The following RCN3 variants were observed in gnomAD, a reference collection of about 807,000 sequenced individuals.
The protein encoded by RCN3 is reticulocalbin 3.
A neutral mutation model predicts 35.9 loss-of-function variants in RCN3; 41 were observed. The ratio of observed to expected loss-of-function variants is 1.14; its 90% CI spans 0.89 to 1.48. The LOEUF (loss-of-function observed/expected upper bound fraction) is 1.48. Ranked by LOEUF, RCN3 falls within the 40% of genes most tolerant of loss-of-function variation. The probability of loss-of-function intolerance (pLI) is 0.00; values close to 1 mark genes in which losing one functional copy is unlikely to be tolerated. For synonymous variants in RCN3, 187 were observed against 193.4 expected (o/e 0.97, Z 0.27); for missense variants, 451 against 471.3 (o/e 0.96, Z 0.40).
chr19:49,531,411 G>C (rs1190290706), intron 2 of RCN3, among the ~76,000 whole-genome samples: 5 of 152,224 alleles, frequency 3.3e-5, no homozygotes, highest in Non-Finnish European at 7.3e-5. Context: ...CCATGCAAAG[G>C]GGGTCAGATC....
Position 49,530,165 on chromosome 19 carries a change from C to CT in RCN3, c.242+1463dup, listed in dbSNP as rs1372486487. Among the ~76,000 whole-genome samples the CT allele has an allele frequency of 6.5e-3, 914 of 140,248 alleles. 13 individuals carry two copies. The highest frequency in any genetic ancestry group is 0.022 in the Middle Eastern group (6 of 278). 92.0% of individuals were successfully genotyped at this position (140,248 alleles called of 152,430 possible). ...CATCCAGCAAAGTTTTTTTTCTTTC[C>CT]TTTTTTTTTTTTGGAGACAGAGTGA... On this transcript the variant is annotated intron_variant, in intron 2 of 6. Transcript: ENST00000270645.
At chr19:49,530,261 G>A (rs1179308349) in intron 2 of RCN3, among the ~76,000 whole-genome samples, 1 of 150,620 alleles carries the variant, frequency 6.6e-6, no homozygotes, top group Non-Finnish European at 1.5e-5. Context: ...CCAGGTTCAA[G>A]CAATTCTCCT....
rs1438192810 is a variant in RCN3 at position 49,528,673 on chromosome 19, AT to A, written c.203del (p.Phe68SerfsTer51). 2 of 1,609,936 alleles carry A rather than the reference AT, an allele frequency of 1.2e-6. No homozygotes were observed. Among genetic ancestry groups the A allele is most frequent in the East Asian group, 2.2e-5 (1 of 44,514 alleles). On this transcript the variant is annotated frameshift_variant, in exon 2 of 7. Transcript: ENST00000270645. ...AFLGREVAKE[F>X]DQLTPEESQA... is the part of the protein sequence containing the mutation. ...TCCTGGGACGGGAAGTGGCCAAGGAATTCGACCAACTCACCCCAGAGGAAAG... is the reference window on the plus strand; with the variant it reads ...TCCTGGGACGGGAAGTGGCCAAGGAATCGACCAACTCACCCCAGAGGAAAG...
chr19:49,528,732 T>G lies in RCN3; in HGVS notation c.242+18T>G. ...CGTCTGGGGTAAGAGAGACATTCGG[T>G]TGGGGCGTGTCCAGAGGTGGGGCTT... On this transcript the variant is annotated intron_variant, in intron 2 of 6. Coordinates refer to ENST00000270645, the MANE Select transcript of RCN3 (RefSeq NM_020650.3). The G allele has an allele frequency of 6.4e-7, 1 of 1,553,236 alleles. No individual in the cohort carries two copies. The highest frequency in any genetic ancestry group is 8.7e-7 in the Non-Finnish European group (1 of 1,147,016).
intron 2 of RCN3, among the ~76,000 whole-genome samples, chr19:49,532,180 A>G (rs1195055868): frequency 7.8e-6 from 1 of 128,786 alleles, no homozygotes; most frequent in Non-Finnish European, 1.6e-5. Context: ...ATCTCGGCTC[A>G]CTGCAAGCTG....
At chr19:49,540,674 T>G (rs1172049591) in intron 5 of RCN3, among the ~76,000 whole-genome samples, 1 of 149,094 alleles carries the variant, frequency 6.7e-6, no homozygotes, top group African/African-American at 2.5e-5. Flanking sequence ...TGGAGTGCAG[T>G]GGGGTGATCT....
chr19:49,529,603 A>G (rs1240655800), intron 2 of RCN3, among the ~76,000 whole-genome samples: 3 of 152,246 alleles, frequency 2.0e-5, no homozygotes, highest in East Asian at 3.8e-4. Flanking sequence ...CCTGAAGTTT[A>G]CACTGTGGTG....
intron 1 of RCN3, 33 bp from the exon 2 acceptor site, chr19:49,528,434 G>A (rs375775020): frequency 4.1e-6 from 6 of 1,451,084 alleles, no homozygotes; most frequent in Non-Finnish European, 5.5e-6. Context: ...CCATCCCTGT[G>A]ACCCCTGACC....
chr19:49,533,642 G>A (rs2080119502), intron 2 of RCN3, among the ~76,000 whole-genome samples: 1 of 151,886 alleles, frequency 6.6e-6, no homozygotes, highest in African/African-American at 2.4e-5. Context: ...AAAGCCACGG[G>A]GCTCAGCACA....
chr19:49,528,799 G>GAGGGAAAAATA, intron 2 of RCN3, 85 bp downstream of exon 2: 1 of 1,375,956 alleles, frequency 7.3e-7, no homozygotes. Flanking sequence ...CAGAGAAATG[G>GAGGGAAAAATA]CGTGGACTGA....
chr19:49,533,936 C>T (rs2080121339), intron 2 of RCN3, among the ~76,000 whole-genome samples: 1 of 151,994 alleles, frequency 6.6e-6, no homozygotes, highest in Non-Finnish European at 1.5e-5. Flanking sequence ...TAGGTCCCTC[C>T]CCCGCAGTGC....
chr19:49,540,886 C>G (rs968101166), intron 5 of RCN3, among the ~76,000 whole-genome samples: 1 of 151,036 alleles, frequency 6.6e-6, no homozygotes, highest in Non-Finnish European at 1.5e-5. Context: ...CAGGCCCTGA[C>G]AACAAGGAGG....
chr19:49,532,263 G>A (rs1225932423), intron 2 of RCN3, among the ~76,000 whole-genome samples: 5 of 146,614 alleles, frequency 3.4e-5, no homozygotes, highest in African/African-American at 1.3e-4. Flanking sequence ...CTGCCACCAC[G>A]CCCGGCTAAT....
At position 49,542,748 on chromosome 19, in the gene RCN3, AC is replaced by A. The variant is rs747194654; in HGVS notation, c.876del (p.Asp292GlufsTer6). On this transcript the variant is annotated frameshift_variant, in exon 6 of 7. Coordinates refer to ENST00000270645, the MANE Select transcript of RCN3 (RefSeq NM_020650.3). LOFTEE classifies it high-confidence loss of function. ...ANHLLHESDT[D>X]KDGRLSKAEI... is the part of the protein sequence containing the mutation. ...CACCTGCTGCACGAGAGCGACACGGACAAGGTGCAGTGACGGGGCCTCGGCA... is the reference window on the plus strand; with the variant it reads ...CACCTGCTGCACGAGAGCGACACGGAAAGGTGCAGTGACGGGGCCTCGGCA... 6.3e-7 allele frequency: 1 copy of A among 1,585,220 alleles called. No individual in the cohort carries two copies. The highest frequency in any genetic ancestry group is 1.2e-5 in the South Asian group (1 of 86,646).
Position 49,534,300 on chromosome 19 carries a change from C to T in RCN3, c.350C>T (p.Ser117Leu). ...ACGCAGCAGCGGCACATACGGGACT[C>T]GGTGAGCGCGGCCTGGGACACGTAC... ...AHTQQRHIRD[S>L]VSAAWDTYDT... Residue 117 changes from serine to leucine, a missense_variant, in exon 3 of 7, where the codon TCG (serine) becomes TTG (leucine). Coordinates refer to ENST00000270645, the MANE Select transcript of RCN3 (RefSeq NM_020650.3). 1 of 1,488,396 alleles carries T rather than the reference C, an allele frequency of 6.7e-7. No individual in the cohort carries two copies. Among genetic ancestry groups the T allele is most frequent in the Non-Finnish European group, 8.9e-7 (1 of 1,121,006 alleles). 92.2% of individuals were successfully genotyped at this position (1,488,396 alleles called of 1,614,324 possible).
At chr19:49,538,148 ATGTCTGGCTAATGT>A (rs1157457365) in intron 4 of RCN3, among the ~76,000 whole-genome samples, 1 of 142,806 alleles carries the variant, frequency 7.0e-6, no homozygotes, top group Non-Finnish European at 1.5e-5. Context: ...ACAAGCCACC[ATGTCTGGCTAATGT>A]TTTTTTTTTT....
chr19:49,538,188 A>C (rs566958851), intron 4 of RCN3, among the ~76,000 whole-genome samples: 73 of 131,326 alleles, frequency 5.6e-4, no homozygotes, highest in Admixed American at 4.6e-3. Flanking sequence ...TTTCAGACGG[A>C]GTCTCGCTCT....
intron 2 of RCN3, 36 bp from the exon 3 acceptor site, chr19:49,534,157 G>A (rs2080122603): frequency 8.9e-6 from 13 of 1,461,622 alleles, no homozygotes; most frequent in Non-Finnish European, 1.1e-5. Flanking sequence ...CTGGGGGCGG[G>A]ACCAGAGCCT....
chr19:49,534,331 G>A lies in RCN3; in HGVS notation c.381G>A (p.Thr127=), dbSNP rs766085795. Residue 127 remains threonine, a synonymous_variant, in exon 3 of 7, where the codon ACG becomes ACA. Coordinates refer to ENST00000270645, the MANE Select transcript of RCN3 (RefSeq NM_020650.3). ...GCGCGGCCTGGGACACGTACGACAC[G>A]GACCGCGACGGGCGTGTGGGTTGGG... ...SVSAAWDTYD[T]DRDGRVGWEE... 7.9e-6 allele frequency: 12 copies of A among 1,520,844 alleles called. No individual in the cohort carries two copies. The highest frequency in any genetic ancestry group is 1.2e-5 in the South Asian group (1 of 80,090). The allele number at this position is 1,520,844 out of a possible 1,614,324, so 94.2% of individuals were successfully genotyped here.
Sources: gnomAD v4.1 joint callset for allele counts (sites outside exome capture counted in the v4.1 genomes callset) on GRCh38, gnomAD v4.1.1 for gene constraint, MANE v1.5 for transcripts, NCBI Gene and HGNC (gene_info 2026-07-23, HGNC 2026-07-21) for gene names.